STX18: variants seen among roughly 807,000 people sequenced by gnomAD.
STX18 encodes the protein syntaxin 18.
A neutral mutation model predicts 50.1 loss-of-function variants in STX18; 40 were observed. The ratio of observed to expected loss-of-function variants is 0.80; its 90% CI spans 0.62 to 1.04. The LOEUF (loss-of-function observed/expected upper bound fraction) is 1.04. Ranked by LOEUF, STX18 falls within the 50% of genes least tolerant of loss-of-function variation. The pLI, the probability that STX18 is intolerant of heterozygous loss-of-function variation, is 0.00. For synonymous variants in STX18, 158 were observed against 151.8 expected (o/e 1.04, Z -0.30); for missense variants, 410 against 415.8 (o/e 0.99, Z 0.12).
chr4:4,440,012 G>A (rs1436652508), intron 5 of STX18, among the ~76,000 whole-genome samples: 1 of 152,150 alleles, frequency 6.6e-6, no homozygotes. Context: ...TTAGTGCCTG[G>A]TATTCCATTG....
chr4:4,450,570 C>T (rs1726690994), intron 5 of STX18, among the ~76,000 whole-genome samples: 1 of 152,196 alleles, frequency 6.6e-6, no homozygotes, highest in South Asian at 2.1e-4. Flanking sequence ...TCCTAAAGTG[C>T]TAGGATTACA....
intron 5 of STX18, among the ~76,000 whole-genome samples, chr4:4,455,006 T>C (rs1287535604): frequency 2.0e-5 from 3 of 152,224 alleles, no homozygotes; most frequent in Admixed American, 1.3e-4. Context: ...AGTTAGGTAC[T>C]ATGAGTTTTC....
At chr4:4,439,187 A>G (rs62645781) in intron 5 of STX18, among the ~76,000 whole-genome samples, 43,872 of 125,288 alleles carry the variant, frequency 0.35, 11,120 homozygotes, top group African/African-American at 0.75. Context: ...ACATACACAC[A>G]TACCCCATAT....
intron 1 of STX18, among the ~76,000 whole-genome samples, chr4:4,490,321 C>T (rs1043573050): frequency 6.6e-6 from 1 of 152,152 alleles, no homozygotes; most frequent in Non-Finnish European, 1.5e-5. Flanking sequence ...CCTAAACTTA[C>T]AGTATTACTC....
At chr4:4,463,167 A>T (rs1727465867) in intron 2 of STX18, among the ~76,000 whole-genome samples, 1 of 152,172 alleles carries the variant, frequency 6.6e-6, no homozygotes, top group Non-Finnish European at 1.5e-5. Context: ...ATTTTTTCTG[A>T]AAAGGGCCAG....
chr4:4,462,808 C>T (rs1035287096), intron 2 of STX18, among the ~76,000 whole-genome samples: 1 of 152,190 alleles, frequency 6.6e-6, no homozygotes, highest in Admixed American at 6.5e-5. Flanking sequence ...AGTGGCAGAG[C>T]TGGCACTGGC....
intron 2 of STX18, among the ~76,000 whole-genome samples, chr4:4,465,182 T>A (rs1727562318): frequency 6.6e-6 from 1 of 152,188 alleles, no homozygotes; most frequent in Non-Finnish European, 1.5e-5. Context: ...TGGAAGACAG[T>A]GTGGCGATTC....
rs186563219 is a variant in STX18 at position 4,537,855 on chromosome 4, T to C, written c.168+3942A>G. On this transcript the variant is annotated intron_variant, in intron 1 of 10. Transcript: ENST00000306200. ...GCCCCAGGTTCCATTCAGTATGCAG[T>C]ATTCAGAATTAACTCAAGAAGAAGA... is the stretch of plus-strand genomic sequence containing the variant. 7.1e-4 allele frequency among the ~76,000 whole-genome samples: 108 copies of C among 152,190 alleles called. 2 individuals are homozygous for C. The East Asian group carries it at 0.018, about 25-fold the overall frequency.
intron 1 of STX18, among the ~76,000 whole-genome samples, chr4:4,483,199 G>A (rs543503695): frequency 2.8e-4 from 42 of 152,188 alleles, no homozygotes; most frequent in Non-Finnish European, 2.5e-4. Flanking sequence ...AACCTGGAAC[G>A]TATAGCTTCC....
chr4:4,515,984 G>A (rs1730249090), intron 1 of STX18, among the ~76,000 whole-genome samples: 1 of 151,744 alleles, frequency 6.6e-6, no homozygotes, highest in African/African-American at 2.4e-5. Context: ...AATCTAAGAA[G>A]GTAAAACACC....
In STX18 at chr4:4,419,789, T is replaced by G. The variant is rs937649744; in HGVS notation, c.*245A>C. On this transcript the variant is annotated 3_prime_UTR_variant, in exon 11 of 11. Transcript: ENST00000306200. ...CCTGCATTCAGTCTGTCTTGCCTGATGAGGGCTACGCAGGCTGCCTCCCAT... is the reference window on the plus strand; with the variant it reads ...CCTGCATTCAGTCTGTCTTGCCTGAGGAGGGCTACGCAGGCTGCCTCCCAT... 7.1e-6 allele frequency: 3 copies of G among 423,100 alleles called. No individual in the cohort carries two copies. The highest frequency in any genetic ancestry group is 1.3e-5 in the Non-Finnish European group (3 of 230,722). The allele number at this position is 423,100 out of a possible 1,614,324, so 26.2% of individuals were successfully genotyped here.
At position 4,454,954 on chromosome 4, in the gene STX18, GT is replaced by G. The variant is rs1726987432; in HGVS notation, c.497+2236del. 2.6e-5 allele frequency among the ~76,000 whole-genome samples: 4 copies of G among 152,186 alleles called. No individual in the cohort carries two copies. In the South Asian group the frequency reaches 8.3e-4, roughly 32 times the overall value. On this transcript the variant is annotated intron_variant, in intron 5 of 10. Coordinates refer to ENST00000306200, the MANE Select transcript of STX18 (RefSeq NM_016930.4). ...TAACATTTATTAACTCACTGTAAGT[GT>G]TTTATCTGTATCTTCATTTTGTTCT...
At chr4:4,450,071 C>T (rs550485773) in intron 5 of STX18, among the ~76,000 whole-genome samples, 54 of 152,314 alleles carry the variant, frequency 3.5e-4, no homozygotes, top group Middle Eastern at 6.8e-3. Context: ...GTGCTAACTA[C>T]GCTTATTGCT....
chr4:4,438,070 G>GC (rs1560163478), intron 6 of STX18, among the ~76,000 whole-genome samples: 1 of 152,212 alleles, frequency 6.6e-6, no homozygotes, highest in Non-Finnish European at 1.5e-5. Flanking sequence ...GGGCATGGCT[G>GC]CCAGGGAGGC....
At chr4:4,510,777 G>C (rs867030088) in intron 1 of STX18, among the ~76,000 whole-genome samples, 1 of 152,192 alleles carries the variant, frequency 6.6e-6, no homozygotes, top group African/African-American at 2.4e-5. Context: ...TGATAGACTG[G>C]ATAAAGCAAA....
intron 1 of STX18, among the ~76,000 whole-genome samples, chr4:4,501,913 G>A (rs1321812249): frequency 6.6e-6 from 1 of 152,192 alleles, no homozygotes; most frequent in Non-Finnish European, 1.5e-5. Flanking sequence ...AAAACCAGAT[G>A]CTATATTAAA....
At chr4:4,449,338 A>G (rs1299026800) in intron 5 of STX18, among the ~76,000 whole-genome samples, 1 of 152,104 alleles carries the variant, frequency 6.6e-6, no homozygotes, top group Non-Finnish European at 1.5e-5. Context: ...GGTGTGAGCC[A>G]CTGTGCACGG....
At position 4,506,264 on chromosome 4, in the gene STX18, T is replaced by C. The variant is rs909802268; in HGVS notation, c.169-34558A>G. On this transcript the variant is annotated intron_variant, in intron 1 of 10. Transcript: ENST00000306200. Reference sequence around the variant, plus strand: ...ATACAAACATTTGTAGCAGTTCTATTCATAATTGTCAAAAACTAGATACAA... The same window carrying C: ...ATACAAACATTTGTAGCAGTTCTATCCATAATTGTCAAAAACTAGATACAA... Among the ~76,000 whole-genome samples, 4 of 152,328 alleles carry C rather than the reference T, an allele frequency of 2.6e-5. No individual in the cohort carries two copies. The East Asian group carries it at 7.7e-4, about 29-fold the overall frequency.
At chr4:4,508,113 C>G (rs1729814179) in intron 1 of STX18, among the ~76,000 whole-genome samples, 1 of 152,216 alleles carries the variant, frequency 6.6e-6, no homozygotes, top group African/African-American at 2.4e-5. Context: ...TGGATCATGG[C>G]TGACACTCCC....
Sources: allele counts gnomAD v4.1 joint callset (sites outside exome capture counted in the v4.1 genomes callset), GRCh38; gene constraint gnomAD v4.1.1; transcripts MANE v1.5; gene names NCBI Gene and HGNC (gene_info 2026-07-23, HGNC 2026-07-21).